The following ANKFY1 variants were observed in gnomAD, a reference collection of about 807,000 sequenced individuals.
ANKFY1 encodes ankyrin repeat and FYVE domain-containing protein 1.
In ANKFY1, 47 loss-of-function variants were observed where a neutral mutation model predicts 128.3. The observed-to-expected ratio is 0.37, with a 90% confidence interval of 0.29 to 0.47. The LOEUF is 0.47. ANKFY1 is among the 20% of genes least tolerant of loss of function. ANKFY1 has a pLI of 1.00. For synonymous variants in ANKFY1, 553 were observed against 601.6 expected (o/e 0.92, Z 1.18); for missense variants, 1,222 against 1,510.6 (o/e 0.81, Z 3.17).
intron 1 of ANKFY1, chr17:4,249,101 T>C: frequency 1.0e-6 from 1 of 984,374 alleles, no homozygotes; most frequent in Non-Finnish European, 1.2e-6. Context: ...TCTTCAGAAG[T>C]TATATGGCAC....
chr17:4,261,353 G>T (rs1026099363), intron 1 of ANKFY1, among the ~76,000 whole-genome samples: 35 of 152,194 alleles, frequency 2.3e-4, no homozygotes, highest in Non-Finnish European at 4.0e-4. Flanking sequence ...GATGGCGGGT[G>T]CCTGTAATCC....
chr17:4,255,240 A>ATTCTTT (rs1968052346), intron 1 of ANKFY1, among the ~76,000 whole-genome samples: 2 of 142,454 alleles, frequency 1.4e-5, no homozygotes, highest in East Asian at 4.1e-4. Context: ...TCTTCATGTA[A>ATTCTTT]TTCTTTTTTT....
chr17:4,166,575 G>C lies in ANKFY1; in HGVS notation c.*1204C>G, dbSNP rs754633425. The C allele has an allele frequency of 1.3e-5, 2 of 152,506 alleles. No individual in the cohort carries two copies. The highest frequency in any genetic ancestry group is 2.9e-5 in the Non-Finnish European group (2 of 68,060). The allele number at this position is 152,506 out of a possible 1,614,324, so 9.4% of individuals were successfully genotyped here. On this transcript the variant is annotated 3_prime_UTR_variant, in exon 25 of 25. Coordinates refer to ENST00000341657, the MANE Select transcript of ANKFY1 (RefSeq NM_001330063.2). ...CAACAAGTTCTGGCAGCCTCATCCA[G>C]CACACAAGCCAGAGACTTCCAAAGT...
chr17:4,257,610 A>G (rs1968193720), intron 1 of ANKFY1, among the ~76,000 whole-genome samples: 1 of 152,176 alleles, frequency 6.6e-6, no homozygotes, highest in Non-Finnish European at 1.5e-5. Flanking sequence ...TCCAAAATAC[A>G]TTCCCCATTA....
In ANKFY1 at chr17:4,172,725, C is replaced by T; in HGVS notation, c.3015-45G>A. 3.1e-6 allele frequency: 5 copies of T among 1,604,324 alleles called. No homozygotes were observed. In the South Asian group the frequency reaches 4.4e-5, roughly 14 times the overall value. ...AAGTTAGGAATGTATCTGCCATGGC[C>T]ATCACACACAAAATAAATAGAATTT... On this transcript the variant is annotated intron_variant, in intron 21 of 24. Transcript: ENST00000341657.
intron 1 of ANKFY1, among the ~76,000 whole-genome samples, chr17:4,244,796 T>C (rs552946857): frequency 5.3e-5 from 8 of 152,254 alleles, no homozygotes; most frequent in African/African-American, 1.7e-4. Context: ...GACCTTTCTT[T>C]ATCATCAACC....
At chr17:4,230,099 C>A (rs12602879) in intron 3 of ANKFY1, among the ~76,000 whole-genome samples, 75,798 of 152,092 alleles carry the variant, frequency 0.5, 21,229 homozygotes, top group East Asian at 0.75. Context: ...CAGTAGCCAA[C>A]AGATGTTGAA....
intron 7 of ANKFY1, among the ~76,000 whole-genome samples, chr17:4,198,129 TA>T (rs1567935076): frequency 2.0e-5 from 3 of 147,756 alleles, no homozygotes; most frequent in African/African-American, 7.5e-5. Context: ...AACTCCGTCT[TA>T]AAAAAAAAAA....
At chr17:4,250,592 C>G in intron 1 of ANKFY1, among the ~76,000 whole-genome samples, 1 of 152,140 alleles carries the variant, frequency 6.6e-6, no homozygotes, top group South Asian at 2.1e-4. Context: ...CAGGTCTCTC[C>G]AAATTGGTCT....
chr17:4,247,163 G>C (rs146334675), intron 1 of ANKFY1, among the ~76,000 whole-genome samples: 5 of 151,872 alleles, frequency 3.3e-5, no homozygotes, highest in Middle Eastern at 3.4e-3. Flanking sequence ...TGACTGCAAA[G>C]TTGCTGATTC....
chr17:4,202,553 C>G (rs1287503224), intron 7 of ANKFY1, among the ~76,000 whole-genome samples: 1 of 149,218 alleles, frequency 6.7e-6, no homozygotes, highest in Admixed American at 6.7e-5. Flanking sequence ...AAAAATTAGC[C>G]GGGCATGGTG....
intron 22 of ANKFY1, 121 bp downstream of exon 22, chr17:4,172,435 G>T: frequency 1.5e-6 from 2 of 1,368,962 alleles, no homozygotes; most frequent in Non-Finnish European, 2.0e-6. Flanking sequence ...CACCCGGAGG[G>T]CCCAACAGAA....
intron 7 of ANKFY1, among the ~76,000 whole-genome samples, chr17:4,205,384 C>T (rs2060003918): frequency 6.6e-6 from 1 of 151,972 alleles, no homozygotes; most frequent in Non-Finnish European, 1.5e-5. Flanking sequence ...ATTAGTAAGA[C>T]TATGGAAAAA....
chr17:4,170,814 T>C lies in ANKFY1; in HGVS notation c.3187A>G (p.Ile1063Val), dbSNP rs1231577858. Residue 1063 changes from isoleucine (I) to valine (V), a missense_variant, in exon 23 of 25, where the codon ATC becomes GTC. Coordinates refer to ENST00000341657, the MANE Select transcript of ANKFY1 (RefSeq NM_001330063.2). ...CCGAGGCGAGCCCCCGACCGGACGATGGCGCGGCACAAGTTGGCGTTCCCT... is the reference window on the plus strand; with the variant it reads ...CCGAGGCGAGCCCCCGACCGGACGACGGCGCGGCACAAGTTGGCGTTCCCT... ...MKGNANLCRAIVRSGARLGVN... is the reference protein window; with the variant it reads ...MKGNANLCRAVVRSGARLGVN... 2.5e-5 allele frequency: 41 copies of C among 1,614,134 alleles called. No homozygotes were observed. The highest frequency in any genetic ancestry group is 3.4e-5 in the Non-Finnish European group (40 of 1,180,012).
chr17:4,179,201 G>T, intron 17 of ANKFY1, 144 bp from the exon 18 acceptor site: 1 of 876,302 alleles, frequency 1.1e-6, no homozygotes, highest in Non-Finnish European at 1.8e-6. Flanking sequence ...TTTTGAAGAG[G>T]CCAAAGAGAA....
intron 19 of ANKFY1, 97 bp downstream of exon 19, chr17:4,177,029 A>G (rs572354833): frequency 2.3e-6 from 3 of 1,293,228 alleles, no homozygotes; most frequent in East Asian, 2.7e-5. Context: ...AGGTGCTTTC[A>G]CAACACCGGG....
chr17:4,172,810 CTT>C, intron 21 of ANKFY1, 130 bp from the exon 22 acceptor site: 1 of 1,309,510 alleles, frequency 7.6e-7, no homozygotes, highest in South Asian at 1.5e-5. Context: ...AAAAGTTTTT[CTT>C]TTTCTTATTT....
intron 23 of ANKFY1, 81 bp downstream of exon 23, chr17:4,170,634 G>A (rs1362072240): frequency 1.3e-6 from 2 of 1,518,264 alleles, no homozygotes; most frequent in African/African-American, 2.8e-5. Flanking sequence ...TCATGAGATT[G>A]AAAGATCACC....
chr17:4,242,727 T>C (rs1364910306), intron 1 of ANKFY1, among the ~76,000 whole-genome samples: 2 of 152,214 alleles, frequency 1.3e-5, no homozygotes, highest in African/African-American at 4.8e-5. Context: ...CTCCACGTTT[T>C]TAAATATTCA....
Sources: gnomAD v4.1 joint callset for allele counts (sites outside exome capture counted in the v4.1 genomes callset) on GRCh38, gnomAD v4.1.1 for gene constraint, MANE v1.5 for transcripts, NCBI Gene and HGNC (gene_info 2026-07-23, HGNC 2026-07-21) for gene names.